Variants in SCHIP1 observed in about 807,000 individuals in gnomAD.
SCHIP1 encodes schwannomin-interacting protein 1.
SCHIP1 carries 8 observed loss-of-function variants against 29.7 expected under a neutral mutation model. That is an observed-to-expected ratio of 0.27 (90% CI 0.16 to 0.49). The LOEUF (loss-of-function observed/expected upper bound fraction) is 0.49. Among genes scored for constraint, SCHIP1 ranks in the 20% least tolerant of loss-of-function variants. The pLI is 0.99. For synonymous variants in SCHIP1, 76 were observed against 94.9 expected (o/e 0.80, Z 1.16); for missense variants, 193 against 294.6 (o/e 0.66, Z 2.52).
chr3:159,377,655 C>G, the SCHIP1 span, among the ~76,000 whole-genome samples: 904 of 152,152 alleles, frequency 5.9e-3, 9 homozygotes, highest in African/African-American at 0.021. Context: ...CCTTTACATT[C>G]GAGTAATTTT....
the SCHIP1 span, among the ~76,000 whole-genome samples, chr3:159,722,734 A>T: frequency 1.3e-5 from 2 of 152,124 alleles, no homozygotes; most frequent in Non-Finnish European, 2.9e-5. Context: ...ATATAAATAA[A>T]CAGGTTGCCT....
upstream of SCHIP1, chr3:159,839,835 A>C: frequency 8.1e-7 from 1 of 1,238,600 alleles, no homozygotes; most frequent in Non-Finnish European, 1.0e-6. Flanking sequence ...AAGCACCAGA[A>C]GGTCACACCA....
At chr3:159,311,192 G>T in the SCHIP1 span, among the ~76,000 whole-genome samples, 169 of 152,098 alleles carry the variant, frequency 1.1e-3, 2 homozygotes, top group Middle Eastern at 3.4e-3. Context: ...TTTGCTGTTT[G>T]TTTTAAATCT....
the SCHIP1 span, among the ~76,000 whole-genome samples, chr3:159,451,001 G>A: frequency 9.2e-5 from 14 of 151,866 alleles, no homozygotes; most frequent in Non-Finnish European, 1.2e-4. Flanking sequence ...GTAGAGACAG[G>A]GTTTCACTGT....
the SCHIP1 span, among the ~76,000 whole-genome samples, chr3:159,759,578 G>A: frequency 1.3e-5 from 2 of 152,142 alleles, no homozygotes; most frequent in Non-Finnish European, 2.9e-5. Context: ...TGAGGAATCT[G>A]TGGTCATAAA....
the SCHIP1 span, among the ~76,000 whole-genome samples, chr3:159,553,045 T>C: frequency 1.3e-5 from 2 of 152,158 alleles, no homozygotes; most frequent in Non-Finnish European, 2.9e-5. Context: ...ATTAGAAAAC[T>C]GAAAGACGGT....
the SCHIP1 span, among the ~76,000 whole-genome samples, chr3:159,364,159 T>C: frequency 6.6e-6 from 1 of 152,234 alleles, no homozygotes; most frequent in Non-Finnish European, 1.5e-5. Context: ...TGACTTTGAC[T>C]ACTTTCAGCT....
chr3:159,762,017 A>T, the SCHIP1 span, among the ~76,000 whole-genome samples: 1 of 152,178 alleles, frequency 6.6e-6, no homozygotes, highest in Non-Finnish European at 1.5e-5. Flanking sequence ...TTGTGATCTA[A>T]GCCATGCCAT....
chr3:159,300,404 G>A, the SCHIP1 span, among the ~76,000 whole-genome samples: 1 of 151,910 alleles, frequency 6.6e-6, no homozygotes, highest in African/African-American at 2.4e-5. Context: ...CACTTCAATA[G>A]GTTCTAAGGC....
At chr3:159,748,974 G>T in the SCHIP1 span, among the ~76,000 whole-genome samples, 4 of 152,152 alleles carry the variant, frequency 2.6e-5, no homozygotes, top group Admixed American at 6.5e-5. Flanking sequence ...TGTTTTACTG[G>T]GAAAGTACAA....
the SCHIP1 span, among the ~76,000 whole-genome samples, chr3:159,508,229 T>C: frequency 6.6e-6 from 1 of 152,250 alleles, no homozygotes; most frequent in East Asian, 1.9e-4. Context: ...ATCCATTTCC[T>C]CTAGATTTTC....
the SCHIP1 span, among the ~76,000 whole-genome samples, chr3:159,817,393 T>C: frequency 4.6e-5 from 7 of 152,232 alleles, no homozygotes; most frequent in Non-Finnish European, 8.8e-5. Flanking sequence ...TTCACTGTGG[T>C]ACAAAGCAAC....
At chr3:159,444,161 G>A in the SCHIP1 span, among the ~76,000 whole-genome samples, 3 of 152,168 alleles carry the variant, frequency 2.0e-5, no homozygotes, top group Non-Finnish European at 4.4e-5. Flanking sequence ...GCACAGCTGT[G>A]AGCAAGGGGA....
chr3:159,798,528 C>CG, the SCHIP1 span, among the ~76,000 whole-genome samples: 23 of 152,018 alleles, frequency 1.5e-4, no homozygotes, highest in South Asian at 3.3e-3. Flanking sequence ...AAGGCAGAAG[C>CG]GGGGGGATCA....
At chr3:159,615,465 T>G in the SCHIP1 span, among the ~76,000 whole-genome samples, 1 of 152,180 alleles carries the variant, frequency 6.6e-6, no homozygotes, top group Non-Finnish European at 1.5e-5. Context: ...TGAAAGACGT[T>G]GAGCGTATAC....
upstream of SCHIP1, among the ~76,000 whole-genome samples, chr3:159,838,194 C>T (rs1309513596): frequency 1.3e-5 from 2 of 152,220 alleles, no homozygotes; most frequent in Non-Finnish European, 1.5e-5. Flanking sequence ...CAATAGCAGG[C>T]TTTGCTCCTG....
the SCHIP1 span, among the ~76,000 whole-genome samples, chr3:159,279,886 A>G: frequency 1.3e-5 from 2 of 152,284 alleles, no homozygotes; most frequent in Admixed American, 1.3e-4. Flanking sequence ...TGTTGGCCTC[A>G]GTACATTGGA....
At chr3:159,475,360 C>T in the SCHIP1 span, among the ~76,000 whole-genome samples, 3 of 152,086 alleles carry the variant, frequency 2.0e-5, no homozygotes, top group Admixed American at 6.6e-5. Flanking sequence ...TTATATGAGA[C>T]GTCTAGAATA....
chr3:159,814,712 A>T, the SCHIP1 span, among the ~76,000 whole-genome samples: 4 of 152,224 alleles, frequency 2.6e-5, no homozygotes, highest in Non-Finnish European at 5.9e-5. Flanking sequence ...CTTCACTGCC[A>T]ACTGTCCTCT....
Sources: allele counts gnomAD v4.1 joint callset (sites outside exome capture counted in the v4.1 genomes callset), GRCh38; gene constraint gnomAD v4.1.1; transcripts MANE v1.5; gene names NCBI Gene and HGNC (gene_info 2026-07-23, HGNC 2026-07-21).